Variants in SERHL2 observed in about 807,000 individuals in gnomAD.
SERHL2 encodes the protein serine hydrolase-like protein 2.
In SERHL2, 29 loss-of-function variants were observed where a neutral mutation model predicts 25.5. That is an observed-to-expected ratio of 1.14 (90% CI 0.85 to 1.55). SERHL2 has a LOEUF of 1.55. Among genes scored for constraint, SERHL2 ranks in the 40% most tolerant of loss-of-function variants. SERHL2 has a pLI of 0.00. For missense variants in SERHL2, 240 were observed against 252.3 expected (o/e 0.95, Z 0.33); for synonymous variants, 95 against 103.5 (o/e 0.92, Z 0.50).
At chr22:42,563,377 A>AT (rs1465832925) in intron 8 of SERHL2, 8 of 414,370 alleles carry the variant, frequency 1.9e-5, no homozygotes, top group Admixed American at 5.4e-5. Flanking sequence ...TAATTTTTGT[A>AT]TTTTTTTGTA....
chr22:42,559,943 C>T (rs1211950320), intron 7 of SERHL2, among the ~76,000 whole-genome samples: 1 of 151,824 alleles, frequency 6.6e-6, no homozygotes, highest in East Asian at 1.9e-4. Flanking sequence ...TCCCAAGTAG[C>T]TGGGATTACA....
chr22:42,560,389 C>A (rs1357082098), intron 8 of SERHL2, 124 bp downstream of exon 8: 2 of 706,478 alleles, frequency 2.8e-6, no homozygotes, highest in African/African-American at 1.7e-5. Context: ...ACTGAATCCC[C>A]CTCCTGCCTC....
At chr22:42,560,458 T>G (rs1922552219) in intron 8 of SERHL2, among the ~76,000 whole-genome samples, 193 bp downstream of exon 8, 1 of 151,762 alleles carries the variant, frequency 6.6e-6, no homozygotes, top group Non-Finnish European at 1.5e-5. Flanking sequence ...GCAACCCGGG[T>G]GAGGCCATAC....
At chr22:42,572,169 GCTGA>G (rs1234067631) in intron 10 of SERHL2, among the ~76,000 whole-genome samples, 1 of 152,092 alleles carries the variant, frequency 6.6e-6, no homozygotes, top group Non-Finnish European at 1.5e-5. Flanking sequence ...GCTTTTCAGG[GCTGA>G]CTGTGACCAA....
At chr22:42,563,203 T>TG (rs1555998597) in intron 8 of SERHL2, among the ~76,000 whole-genome samples, 4 of 77,096 alleles carry the variant, frequency 5.2e-5, no homozygotes, top group East Asian at 2.7e-3. Flanking sequence ...TTTTTTTTTT[T>TG]TTGTTGTTGT....
chr22:42,568,585 C>T (rs758457343), intron 9 of SERHL2, among the ~76,000 whole-genome samples: 4 of 151,916 alleles, frequency 2.6e-5, no homozygotes, highest in South Asian at 2.1e-4. Context: ...GGAAAGACTT[C>T]GTTAGGACAT....
At chr22:42,568,526 G>A (rs1314801433) in intron 9 of SERHL2, among the ~76,000 whole-genome samples, 1 of 151,966 alleles carries the variant, frequency 6.6e-6, no homozygotes, top group Non-Finnish European at 1.5e-5. Flanking sequence ...GTTCTGTAGT[G>A]GGAGCTGTGA....
At chr22:42,567,639 C>G (rs949337392) in intron 9 of SERHL2, among the ~76,000 whole-genome samples, 33 of 151,238 alleles carry the variant, frequency 2.2e-4, no homozygotes, top group African/African-American at 8.0e-4. Context: ...AGTTCGCAGT[C>G]CGGCCTGGGC....
intron 8 of SERHL2, chr22:42,564,978 G>C (rs1189003256): frequency 6.6e-6 from 1 of 152,084 alleles, no homozygotes; most frequent in Non-Finnish European, 1.5e-5. Flanking sequence ...GTGTGTGTGT[G>C]TGTGTGTGTA....
intron 6 of SERHL2, chr22:42,556,795 G>C: frequency 4.4e-6 from 2 of 456,584 alleles, no homozygotes; most frequent in Non-Finnish European, 7.1e-6. Context: ...GGGTGTGGGG[G>C]ACCCCTTGGA....
Position 42,573,930 on chromosome 22 carries a change from C to T in SERHL2, c.826-6C>T, listed in dbSNP as rs1924637767. The T allele has an allele frequency of 5.6e-6, 9 of 1,602,050 alleles. 1 individual carries two copies. The highest frequency in any genetic ancestry group is 1.3e-5 in the African/African-American group (1 of 74,658). ...CACCTCACCACCCACCCCCTCCCCT[C>T]TCCAGCAGTTCCAGTTTGTGGAAGT... On this transcript the variant is annotated splice_polypyrimidine_tract_variant and splice_region_variant and intron_variant, in intron 11 of 11. Transcript: ENST00000327678.
chr22:42,564,960 G>GCGCA (rs893464490), intron 8 of SERHL2: 1 of 98,152 alleles, frequency 1.0e-5, no homozygotes, highest in African/African-American at 6.4e-5. Context: ...ACCATGCTCG[G>GCGCA]CGCGCGCGTG....
intron 8 of SERHL2, among the ~76,000 whole-genome samples, chr22:42,562,413 C>G (rs1022583051): frequency 6.6e-6 from 1 of 151,800 alleles, no homozygotes; most frequent in African/African-American, 2.4e-5. Flanking sequence ...AGGGCTGGTT[C>G]CTTCTGAGGG....
chr22:42,561,202 C>T (rs1390916328), intron 8 of SERHL2, among the ~76,000 whole-genome samples: 1 of 151,910 alleles, frequency 6.6e-6, no homozygotes, highest in South Asian at 2.1e-4. Context: ...TGCTTCAGAG[C>T]AGTGGTCCAG....
chr22:42,574,312 G>C lies in SERHL2; in HGVS notation c.*257G>C. 4 of 538,980 alleles carry C rather than the reference G, an allele frequency of 7.4e-6. No homozygotes were observed. Among genetic ancestry groups the C allele is most frequent in the South Asian group, 6.9e-5 (3 of 43,608 alleles). The allele number at this position is 538,980 out of a possible 1,614,324, so 33.4% of individuals were successfully genotyped here. On this transcript the variant is annotated 3_prime_UTR_variant, in exon 12 of 12. Coordinates refer to ENST00000327678, the MANE Select transcript of SERHL2 (RefSeq NM_014509.5). The stretch of plus-strand genomic sequence containing the variant: ...TATCCAGCCAGCTGGAGGAAGGAAG[G>C]GCAGGCTGGGCCCACCTAGCCTTTC...
rs774006542 is a variant in SERHL2 at position 42,568,901 on chromosome 22, G to A, written c.649-2220G>A. Among the ~76,000 whole-genome samples the A allele has an allele frequency of 1.2e-4, 18 of 151,656 alleles. 1 individual carries two copies. Among genetic ancestry groups the A allele is most frequent in the Admixed American group, 3.9e-4 (6 of 15,292 alleles). ...GAATCGCTTTAACTCGGGAGGCGGA[G>A]ATTGCAGTGAGCTGAGATCGCCCAG... On this transcript the variant is annotated intron_variant, in intron 9 of 11. Coordinates refer to ENST00000327678, the MANE Select transcript of SERHL2 (RefSeq NM_014509.5).
In SERHL2 at chr22:42,574,016, C is replaced by T. The variant is rs145292688; in HGVS notation, c.906C>T (p.Ser302=). 8 of 1,612,406 alleles carry T rather than the reference C, an allele frequency of 5.0e-6. No individual in the cohort carries two copies. In the Admixed American group the frequency reaches 5.0e-5, roughly 10 times the overall value. ...AGCACGTGGCCAGTATCATCAGCTCCTTCTTACAGTGCACACACATGCTCC... is the reference window on the plus strand; with the variant it reads ...AGCACGTGGCCAGTATCATCAGCTCTTTCTTACAGTGCACACACATGCTCC... ...EPQHVASIIS[S]FLQCTHMLPA... The change falls in exon 12 of 12, where the codon TCC becomes TCT. Residue 302 remains serine, a synonymous_variant. Coordinates refer to ENST00000327678, the MANE Select transcript of SERHL2 (RefSeq NM_014509.5).
At chr22:42,573,338 G>A (rs574231349) in intron 11 of SERHL2, 5 of 151,592 alleles carry the variant, frequency 3.3e-5, no homozygotes, top group Non-Finnish European at 1.5e-5. Flanking sequence ...CCACCTCCCG[G>A]GTTCATGCCA....
intron 8 of SERHL2, among the ~76,000 whole-genome samples, chr22:42,565,892 C>A (rs554675560): frequency 6.6e-6 from 1 of 151,864 alleles, no homozygotes; most frequent in Non-Finnish European, 1.5e-5. Flanking sequence ...CTTGCTCTGT[C>A]GCCTAGGCTG....
Sources: gnomAD v4.1 joint callset for allele counts (sites outside exome capture counted in the v4.1 genomes callset) on GRCh38, gnomAD v4.1.1 for gene constraint, MANE v1.5 for transcripts, NCBI Gene and HGNC (gene_info 2026-07-23, HGNC 2026-07-21) for gene names.